STK33: variants seen among roughly 807,000 people sequenced by gnomAD.
The protein encoded by STK33 is serine/threonine kinase 33, also known as serine/threonine-protein kinase 33.
In STK33, 52 loss-of-function variants were observed where a neutral mutation model predicts 58.0. That is an observed-to-expected ratio of 0.90 (90% CI 0.72 to 1.13). STK33 has a LOEUF of 1.13. STK33 is among the 50% of genes most tolerant of loss of function. The pLI is 0.00. For missense variants in STK33, 630 were observed against 604.2 expected, an observed-to-expected ratio of 1.04 and a Z score of -0.45; for synonymous variants, 215 against 200.1, an observed-to-expected ratio of 1.07 and a Z score of -0.63.
chr11:8,585,222 A>T (rs1282262010), intron 1 of STK33, among the ~76,000 whole-genome samples: 15 of 89,334 alleles, frequency 1.7e-4, no homozygotes, highest in East Asian at 3.2e-4. Context: ...TGCACCCAGC[A>T]TTTTTTTTTT....
chr11:8,585,160 T>C (rs574591596), intron 1 of STK33, among the ~76,000 whole-genome samples: 137 of 150,508 alleles, frequency 9.1e-4, no homozygotes, highest in African/African-American at 3.3e-3. Flanking sequence ...TGACTTCAGG[T>C]GATCCACCTG....
At chr11:8,498,304 C>CA (rs959513183) in intron 1 of STK33, among the ~76,000 whole-genome samples, 10 of 152,102 alleles carry the variant, frequency 6.6e-5, no homozygotes, top group African/African-American at 2.2e-4. Flanking sequence ...AACAGACAAA[C>CA]AGAGAGCCAA....
the STK33 span, among the ~76,000 whole-genome samples, chr11:8,380,018 C>G: frequency 1.3e-5 from 2 of 152,182 alleles, no homozygotes; most frequent in Non-Finnish European, 2.9e-5. Context: ...TTTTCTTTAT[C>G]CATTCTACCA....
chr11:8,560,589 T>C (rs1957053131), intron 1 of STK33, among the ~76,000 whole-genome samples: 1 of 152,184 alleles, frequency 6.6e-6, no homozygotes, highest in South Asian at 2.1e-4. Flanking sequence ...TAATCTTTTC[T>C]TTTGTGGTCA....
chr11:8,346,814 G>T, the STK33 span, among the ~76,000 whole-genome samples: 476 of 152,318 alleles, frequency 3.1e-3, 1 homozygote, highest in African/African-American at 0.01. Context: ...GCATTTTGGG[G>T]AACACGAGCT....
chr11:8,533,090 C>A (rs917580242), intron 1 of STK33, among the ~76,000 whole-genome samples: 1 of 152,168 alleles, frequency 6.6e-6, no homozygotes. Flanking sequence ...ATGCTATAAA[C>A]CAACATTTTA....
chr11:8,429,810 G>C (rs181474855), intron 14 of STK33, among the ~76,000 whole-genome samples: 1 of 152,020 alleles, frequency 6.6e-6, no homozygotes, highest in Non-Finnish European at 1.5e-5. Context: ...TCACCTCCTC[G>C]TTAAGACCCT....
the STK33 span, among the ~76,000 whole-genome samples, chr11:8,344,089 G>A: frequency 1.3e-5 from 2 of 152,060 alleles, no homozygotes; most frequent in Non-Finnish European, 2.9e-5. Flanking sequence ...AGTGACTCTC[G>A]CCTAGAATAC....
chr11:8,522,498 TTATC>T (rs966894965), intron 1 of STK33, among the ~76,000 whole-genome samples: 3 of 152,048 alleles, frequency 2.0e-5, no homozygotes, highest in South Asian at 2.1e-4. Context: ...AATTGGATCT[TTATC>T]TAACACCACA....
At chr11:8,482,381 G>C (rs1034761961) in intron 1 of STK33, among the ~76,000 whole-genome samples, 1 of 152,106 alleles carries the variant, frequency 6.6e-6, no homozygotes, top group African/African-American at 2.4e-5. Context: ...AGGTCCAAGA[G>C]AACAGGCCAA....
chr11:8,351,859 G>C, the STK33 span, among the ~76,000 whole-genome samples: 1 of 152,278 alleles, frequency 6.6e-6, no homozygotes, highest in South Asian at 2.1e-4. Flanking sequence ...ATGGAAGAAG[G>C]TTAGGCACAC....
chr11:8,474,820 G>C lies in STK33; in HGVS notation c.86C>G (p.Ser29Cys), dbSNP rs1949114707. Residue 29 changes from serine to cysteine, a missense_variant, in exon 5 of 16, where the codon TCC (serine) becomes TGC (cysteine). Ser to Cys is a moderately radical substitution (Grantham distance 112, BLOSUM62 -1). Coordinates refer to ENST00000687296, the MANE Select transcript of STK33 (RefSeq NM_001352389.2). ...ASQKDVLCVC[S>C]SKTRVPPVLV... ...AACTGGAGGAACCCTTGTTTTGCTG[G>C]AACATACACAAAGTACATCTTTCTG... 6.2e-7 allele frequency: 1 copy of C among 1,612,670 alleles called. No individual in the cohort carries two copies. The highest frequency in any genetic ancestry group is 8.5e-7 in the Non-Finnish European group (1 of 1,179,472).
Position 8,583,542 on chromosome 11 carries a change from C to T in STK33, c.-466+10541G>A, listed in dbSNP as rs114630236. Among the ~76,000 whole-genome samples the T allele has an allele frequency of 9.8e-3, 1,492 of 152,042 alleles. 30 individuals carry two copies. Among genetic ancestry groups the T allele is most frequent in the African/African-American group, 0.034 (1,402 of 41,478 alleles). On this transcript the variant is annotated intron_variant, in intron 1 of 15. Coordinates refer to ENST00000687296, the MANE Select transcript of STK33 (RefSeq NM_001352389.2). ...ATCAAAGACAATGATAAGAAAGATA[C>T]GGGGAGGGTGGTAAAAAATAGTGTC...
At chr11:8,428,947 T>C (rs1564932603) in intron 14 of STK33, among the ~76,000 whole-genome samples, 1 of 151,370 alleles carries the variant, frequency 6.6e-6, no homozygotes, top group African/African-American at 2.4e-5. Flanking sequence ...TCCCAGGAAA[T>C]AAAAAAAAAT....
chr11:8,543,171 C>G (rs1158624612), intron 1 of STK33, among the ~76,000 whole-genome samples: 2 of 152,156 alleles, frequency 1.3e-5, no homozygotes, highest in Non-Finnish European at 2.9e-5. Context: ...CATTAAGGAT[C>G]TTGCCCTATG....
At chr11:8,409,342 A>C (rs1590828055) in intron 15 of STK33, among the ~76,000 whole-genome samples, 1 of 152,240 alleles carries the variant, frequency 6.6e-6, no homozygotes, top group Non-Finnish European at 1.5e-5. Flanking sequence ...ACGGCAGGTG[A>C]CAGAAATAGA....
Position 8,538,254 on chromosome 11 carries a change from G to A in STK33, c.-466+55829C>T, listed in dbSNP as rs912785810. 3.3e-5 allele frequency among the ~76,000 whole-genome samples: 5 copies of A among 151,798 alleles called. No homozygotes were observed. In the South Asian group the frequency reaches 1.0e-3, roughly 32 times the overall value. ...AGCATGATGTGTCAGGCACTATAAT[G>A]AGTATCTTATACATATTAACTCATT... On this transcript the variant is annotated intron_variant, in intron 1 of 15. Coordinates refer to ENST00000687296, the MANE Select transcript of STK33 (RefSeq NM_001352389.2).
chr11:8,387,315 C>T (rs201679459), downstream of STK33, among the ~76,000 whole-genome samples: 1 of 152,146 alleles, frequency 6.6e-6, no homozygotes, highest in Admixed American at 6.5e-5. Context: ...AGCAAAAACA[C>T]GAACATCTTG....
chr11:8,365,348 C>A, the STK33 span, among the ~76,000 whole-genome samples: 3 of 152,182 alleles, frequency 2.0e-5, no homozygotes, highest in African/African-American at 7.2e-5. Flanking sequence ...TCCCTCCCTG[C>A]CGGACACCCC....
Sources: allele counts gnomAD v4.1 joint callset (sites outside exome capture counted in the v4.1 genomes callset), GRCh38; gene constraint gnomAD v4.1.1; transcripts MANE v1.5; gene names NCBI Gene and HGNC (gene_info 2026-07-23, HGNC 2026-07-21).